Variants in NFS1 observed in about 807,000 individuals in gnomAD.
The protein encoded by NFS1 is cysteine desulfurase.
A neutral mutation model predicts 57.3 loss-of-function variants in NFS1; 26 were observed. That is an observed-to-expected ratio of 0.45 (90% CI 0.33 to 0.63). The LOEUF (loss-of-function observed/expected upper bound fraction) is 0.63. NFS1 is among the 20% of genes least tolerant of loss of function. The probability of loss-of-function intolerance (pLI) is 0.02; values close to 1 mark genes in which losing one functional copy is unlikely to be tolerated. For synonymous variants in NFS1, 209 were observed against 216.3 expected (o/e 0.97, Z 0.30); for missense variants, 505 against 605.8 (o/e 0.83, Z 1.75).
At chr20:35,675,274 G>A in intron 7 of NFS1, 72 bp from the exon 8 acceptor site, 1 of 1,433,666 alleles carries the variant, frequency 7.0e-7, no homozygotes, top group African/African-American at 1.4e-5. Context: ...TCTTTCCAAA[G>A]GGATCAAAAT....
At chr20:35,695,481 T>A (rs1200828034) in intron 4 of NFS1, among the ~76,000 whole-genome samples, 1 of 152,250 alleles carries the variant, frequency 6.6e-6, no homozygotes, top group African/African-American at 2.4e-5. Context: ...CTATGTTCTA[T>A]GAAACACCAA....
Position 35,674,341 on chromosome 20 carries a change from C to A in NFS1, c.1136+9G>T. On this transcript the variant is annotated intron_variant, in intron 10 of 12. Coordinates refer to ENST00000374092, the MANE Select transcript of NFS1 (RefSeq NM_021100.5). ...CTGCCGCAGGCCCTGTCTATGCCGT[C>A]CAGCTCACCTCCCTGAGGATAAGGC... 1 of 1,613,250 alleles carries A rather than the reference C, an allele frequency of 6.2e-7. No individual in the cohort carries two copies. The highest frequency in any genetic ancestry group is 8.5e-7 in the Non-Finnish European group (1 of 1,179,464).
At position 35,669,036 on chromosome 20, in the gene NFS1, C is replaced by A. The variant is rs2034609960; in HGVS notation, c.*586G>T. ...TCAAGAAAACAAATTATTAGAATAA[C>A]TGGTGGAGTCACAGACATATTTCTA... On this transcript the variant is annotated 3_prime_UTR_variant, in exon 13 of 13. Transcript: ENST00000374092. 1 of 152,168 alleles carries A rather than the reference C, an allele frequency of 6.6e-6. No individual in the cohort carries two copies. 9.4% of individuals were successfully genotyped at this position (152,168 alleles called of 1,614,324 possible).
chr20:35,686,762 A>T (rs1301263289), intron 5 of NFS1, among the ~76,000 whole-genome samples: 2 of 152,172 alleles, frequency 1.3e-5, no homozygotes, highest in East Asian at 3.8e-4. Flanking sequence ...GCAAGAGACC[A>T]AGGGCACGAG....
intron 10 of NFS1, 100 bp from the exon 11 acceptor site, chr20:35,673,784 T>G: frequency 1.1e-5 from 9 of 833,258 alleles, no homozygotes; most frequent in East Asian, 2.6e-5. Flanking sequence ...CCTGGAGTCA[T>G]ACCCTGGAGA....
chr20:35,684,365 G>A (rs1311623752), intron 5 of NFS1, among the ~76,000 whole-genome samples: 3 of 150,144 alleles, frequency 2.0e-5, no homozygotes, highest in Non-Finnish European at 4.4e-5. Context: ...CAGAGATCGC[G>A]CCACTGCACT....
chr20:35,684,224 A>G (rs904504935), intron 5 of NFS1, among the ~76,000 whole-genome samples: 1 of 151,394 alleles, frequency 6.6e-6, no homozygotes, highest in Non-Finnish European at 1.5e-5. Flanking sequence ...TGCCTAACAC[A>G]GTGAAACCCC....
intron 5 of NFS1, among the ~76,000 whole-genome samples, chr20:35,689,371 TCC>T (rs1041453386): frequency 7.2e-5 from 11 of 152,134 alleles, no homozygotes; most frequent in Non-Finnish European, 1.2e-4. Context: ...ATGCCTGTAA[TCC>T]CAGCACTTTG....
chr20:35,693,350 G>A (rs572017301), intron 4 of NFS1, among the ~76,000 whole-genome samples: 130 of 151,994 alleles, frequency 8.6e-4, no homozygotes, highest in Middle Eastern at 3.4e-3. Flanking sequence ...TGCCTGCCTC[G>A]GCCTCCCAAT....
At chr20:35,684,456 AAAATAAAAT>A (rs2034905479) in intron 5 of NFS1, among the ~76,000 whole-genome samples, 1 of 146,496 alleles carries the variant, frequency 6.8e-6, no homozygotes, top group African/African-American at 2.5e-5. Context: ...AAAATAAAAT[AAAATAAAAT>A]AAGGGCCGGG....
At chr20:35,693,760 G>A (rs556932752) in intron 4 of NFS1, among the ~76,000 whole-genome samples, 13 of 152,216 alleles carry the variant, frequency 8.5e-5, no homozygotes, top group Admixed American at 3.9e-4. Flanking sequence ...TCAGGAGATC[G>A]AGACCATCTT....
chr20:35,694,364 C>T (rs920457547), intron 4 of NFS1, among the ~76,000 whole-genome samples: 11 of 152,008 alleles, frequency 7.2e-5, no homozygotes, highest in Non-Finnish European at 1.0e-4. Context: ...AGGCTGGTCT[C>T]GAACTCCTGA....
At position 35,668,180 on chromosome 20, in the gene NFS1, C is replaced by A. The variant is rs971893381; in HGVS notation, c.*1442G>T. The A allele has an allele frequency of 3.3e-5, 5 of 152,146 alleles. No individual in the cohort carries two copies. The highest frequency in any genetic ancestry group is 9.7e-5 in the African/African-American group (4 of 41,424). The allele number at this position is 152,146 out of a possible 1,614,324, so 9.4% of individuals were successfully genotyped here. A position where few individuals can be genotyped will look rare whatever the true frequency, so the allele number is the denominator to read the frequency against. On this transcript the variant is annotated 3_prime_UTR_variant, in exon 13 of 13. Coordinates refer to ENST00000374092, the MANE Select transcript of NFS1 (RefSeq NM_021100.5). ...AAGATATTTTTCAACAAGAAAAATTCTATAATTTCATCTCCTCCTTCCACT... is the reference window on the plus strand; with the variant it reads ...AAGATATTTTTCAACAAGAAAAATTATATAATTTCATCTCCTCCTTCCACT...
chr20:35,692,758 T>G (rs1358774829), intron 4 of NFS1, among the ~76,000 whole-genome samples: 6 of 151,856 alleles, frequency 4.0e-5, no homozygotes, highest in African/African-American at 1.5e-4. Flanking sequence ...TCCCAGCACT[T>G]TGGGAGACTG....
intron 5 of NFS1, among the ~76,000 whole-genome samples, chr20:35,688,967 G>A (rs557008755): frequency 6.6e-6 from 1 of 152,318 alleles, no homozygotes; most frequent in Non-Finnish European, 1.5e-5. Flanking sequence ...TTTGGATTGA[G>A]GGGTCCATCT....
In NFS1 at chr20:35,671,982, G is replaced by A. The variant is rs546814440; in HGVS notation, c.1310+773C>T. Among the ~76,000 whole-genome samples, 68 of 151,934 alleles carry A rather than the reference G, an allele frequency of 4.5e-4. No homozygotes were observed. In the South Asian group the frequency reaches 0.013, roughly 30 times the overall value. The stretch of plus-strand genomic sequence containing the variant: ...GTTTTTGTTTTTGTTTTCTTGAGAC[G>A]GAGTCTCACTCTGTCACCCAGGCTG... On this transcript the variant is annotated intron_variant, in intron 12 of 12. Coordinates refer to ENST00000374092, the MANE Select transcript of NFS1 (RefSeq NM_021100.5).
intron 7 of NFS1, chr20:35,676,052 G>C (rs1188416681): frequency 6.6e-6 from 1 of 152,106 alleles, no homozygotes; most frequent in Non-Finnish European, 1.5e-5. Context: ...TTGGGAGGCT[G>C]AGGTGGGTGG....
intron 4 of NFS1, among the ~76,000 whole-genome samples, chr20:35,695,756 G>A (rs1249852474): frequency 6.6e-6 from 1 of 152,098 alleles, no homozygotes; most frequent in Non-Finnish European, 1.5e-5. Flanking sequence ...AAAGAATGGA[G>A]AAAGGCCGGG....
At chr20:35,673,806 C>T (rs1468408342) in intron 10 of NFS1, 122 bp from the exon 11 acceptor site, 5 of 689,984 alleles carry the variant, frequency 7.2e-6, no homozygotes, top group Non-Finnish European at 9.9e-6. Context: ...AACAAGAGAC[C>T]TTCTAATCTG....
Sources: gnomAD v4.1 joint callset for allele counts (sites outside exome capture counted in the v4.1 genomes callset) on GRCh38, gnomAD v4.1.1 for gene constraint, MANE v1.5 for transcripts, NCBI Gene and HGNC (gene_info 2026-07-23, HGNC 2026-07-21) for gene names.